Variants in DYM observed in about 807,000 individuals in gnomAD.
The protein encoded by DYM is dyggve-Melchior-Clausen syndrome protein.
In DYM, 78 loss-of-function variants were observed where a neutral mutation model predicts 93.1. The ratio of observed to expected loss-of-function variants is 0.84; its 90% CI spans 0.70 to 1.01. DYM has a LOEUF of 1.01. Among genes scored for constraint, DYM ranks in the 50% least tolerant of loss-of-function variants. The pLI is 0.00. For missense variants in DYM, 789 were observed against 845.0 expected (o/e 0.93, Z 0.82); for synonymous variants, 321 against 319.7 (o/e 1.00, Z -0.04).
chr18:49,265,761 G>T (rs1215033984), intron 11 of DYM, among the ~76,000 whole-genome samples: 1 of 145,582 alleles, frequency 6.9e-6, no homozygotes, highest in East Asian at 2.0e-4. Context: ...CTGGGCAACA[G>T]GAGCAAAACT....
At chr18:49,412,652 C>G (rs577621548) in intron 2 of DYM, among the ~76,000 whole-genome samples, 1 of 152,270 alleles carries the variant, frequency 6.6e-6, no homozygotes, top group South Asian at 2.1e-4. Flanking sequence ...TAGCAGCGAT[C>G]CCAGGCCCAC....
intron 13 of DYM, among the ~76,000 whole-genome samples, chr18:49,214,698 A>G (rs1412805582): frequency 6.6e-6 from 1 of 152,234 alleles, no homozygotes; most frequent in Non-Finnish European, 1.5e-5. Context: ...AGAAACAAAT[A>G]CCCAGCAGAA....
intron 6 of DYM, among the ~76,000 whole-genome samples, chr18:49,336,401 G>A (rs759912133): frequency 2.6e-5 from 4 of 152,122 alleles, no homozygotes; most frequent in Admixed American, 6.5e-5. Flanking sequence ...CTCTCTTACC[G>A]TGGAATCCTA....
intron 17 of DYM, among the ~76,000 whole-genome samples, chr18:49,065,855 C>T (rs1281268877): frequency 2.6e-5 from 4 of 151,844 alleles, no homozygotes; most frequent in Non-Finnish European, 2.9e-5. Flanking sequence ...CTTAGGAGAG[C>T]AAAAACGGGT....
At chr18:49,113,482 G>T (rs758868211) in intron 16 of DYM, among the ~76,000 whole-genome samples, 1 of 152,158 alleles carries the variant, frequency 6.6e-6, no homozygotes, top group Non-Finnish European at 1.5e-5. Context: ...TTCTGCAGAC[G>T]TTAAAAGTGC....
intron 13 of DYM, among the ~76,000 whole-genome samples, chr18:49,234,317 C>T (rs559597400): frequency 6.6e-6 from 1 of 152,116 alleles, no homozygotes; most frequent in African/African-American, 2.4e-5. Flanking sequence ...ATTAGTTGGG[C>T]ATGGTGATGT....
chr18:49,187,998 T>C (rs1277987959), intron 14 of DYM, among the ~76,000 whole-genome samples: 1 of 152,220 alleles, frequency 6.6e-6, no homozygotes, highest in Admixed American at 6.5e-5. Context: ...TCTTTTTCAT[T>C]CTTGAAGTTA....
intron 8 of DYM, among the ~76,000 whole-genome samples, chr18:49,289,011 A>C (rs1013710112): frequency 6.6e-6 from 1 of 152,188 alleles, no homozygotes; most frequent in African/African-American, 2.4e-5. Context: ...AGCTATAGTC[A>C]TGTAAAAGTG....
At chr18:49,200,263 A>G (rs1279788044) in intron 14 of DYM, among the ~76,000 whole-genome samples, 1 of 152,070 alleles carries the variant, frequency 6.6e-6, no homozygotes, top group Non-Finnish European at 1.5e-5. Flanking sequence ...AATTTGTAAA[A>G]GATAAATTTT....
At chr18:49,060,211 C>A (rs891564129) in intron 17 of DYM, among the ~76,000 whole-genome samples, 1 of 152,186 alleles carries the variant, frequency 6.6e-6, no homozygotes, top group East Asian at 1.9e-4. Context: ...TGCCCAGGAC[C>A]TCTGAGCTTC....
intron 2 of DYM, among the ~76,000 whole-genome samples, chr18:49,399,941 T>TC (rs1272688473): frequency 8.0e-6 from 1 of 124,392 alleles, no homozygotes; most frequent in Non-Finnish European, 1.7e-5. Flanking sequence ...TTTCTTTTTT[T>TC]TTTTTTTTTT....
chr18:49,299,024 A>T (rs1475345215), intron 8 of DYM, among the ~76,000 whole-genome samples: 1 of 152,194 alleles, frequency 6.6e-6, no homozygotes, highest in Non-Finnish European at 1.5e-5. Context: ...GTGAGCTCAG[A>T]GGGGCAGACA....
At chr18:49,221,777 GGATAGCATTAGGAGATATACCTAAT>G (rs1453089571) in intron 13 of DYM, among the ~76,000 whole-genome samples, 1 of 151,960 alleles carries the variant, frequency 6.6e-6, no homozygotes, top group Non-Finnish European at 1.5e-5. Context: ...AAGGAGGGAG[GGATAGCATTAGGAGATATACCTAAT>G]GCTAAATGAC....
intron 8 of DYM, among the ~76,000 whole-genome samples, chr18:49,302,698 T>G (rs2061012071): frequency 6.6e-6 from 1 of 152,220 alleles, no homozygotes; most frequent in Non-Finnish European, 1.5e-5. Context: ...ATTACTACAT[T>G]GAAATCTCAC....
At chr18:49,305,377 CCTA>C (rs1455452604) in intron 8 of DYM, among the ~76,000 whole-genome samples, 1 of 152,198 alleles carries the variant, frequency 6.6e-6, no homozygotes, top group African/African-American at 2.4e-5. Context: ...GCCCAGCAAT[CCTA>C]CTACATTGAC....
intron 17 of DYM, among the ~76,000 whole-genome samples, chr18:49,071,863 A>T (rs1363554239): frequency 6.6e-6 from 1 of 152,186 alleles, no homozygotes; most frequent in African/African-American, 2.4e-5. Context: ...TGTCATAGGG[A>T]CTATTGAAAA....
chr18:49,213,296 CTTT>C (rs36072258), intron 13 of DYM, among the ~76,000 whole-genome samples: 5 of 140,030 alleles, frequency 3.6e-5, no homozygotes, highest in Non-Finnish European at 6.2e-5. Context: ...CTTTTTCTAA[CTTT>C]TTTTTTTTTT....
At chr18:49,284,173 G>A (rs1052774473) in intron 9 of DYM, among the ~76,000 whole-genome samples, 3 of 152,138 alleles carry the variant, frequency 2.0e-5, no homozygotes, top group African/African-American at 7.2e-5. Flanking sequence ...TATGTGGGTT[G>A]TGTATATGTA....
At chr18:49,406,311 A>G (rs1055035970) in intron 2 of DYM, among the ~76,000 whole-genome samples, 10 of 151,970 alleles carry the variant, frequency 6.6e-5, no homozygotes, top group Admixed American at 6.6e-4. Flanking sequence ...TGTAATCCCA[A>G]CACTTTGGGA....
Sources: gnomAD v4.1 joint callset for allele counts (sites outside exome capture counted in the v4.1 genomes callset) on GRCh38, gnomAD v4.1.1 for gene constraint, MANE v1.5 for transcripts, NCBI Gene and HGNC (gene_info 2026-07-23, HGNC 2026-07-21) for gene names.